Variants in LRCH3 observed in about 807,000 individuals in gnomAD.
LRCH3 encodes DISP complex protein LRCH3.
A neutral mutation model predicts 104.5 loss-of-function variants in LRCH3; 68 were observed. The observed-to-expected ratio is 0.65, with a 90% confidence interval of 0.54 to 0.80. The LOEUF (loss-of-function observed/expected upper bound fraction) is 0.80, where lower values mean the gene tolerates loss of function less well. LRCH3 is among the 30% of genes least tolerant of loss of function. The pLI is 0.00. For synonymous variants in LRCH3, 344 were observed against 361.3 expected (o/e 0.95, Z 0.54); for missense variants, 951 against 953.9 (o/e 1.00, Z 0.04).
At position 197,866,064 on chromosome 3, in the gene LRCH3, TATATTTTC is replaced by T. The variant is rs775341020; in HGVS notation, c.1766-45_1766-38del. The T allele has an allele frequency of 3.7e-6, 5 of 1,333,756 alleles. No homozygotes were observed. In the Admixed American group the frequency reaches 8.5e-5, roughly 23 times the overall value. The allele number at this position is 1,333,756 out of a possible 1,614,324, so 82.6% of individuals were successfully genotyped here. A position where few individuals can be genotyped will look rare whatever the true frequency, so the allele number is the denominator to read the frequency against. On this transcript the variant is annotated intron_variant, in intron 16 of 20. Coordinates refer to ENST00000425562, the MANE Select transcript of LRCH3 (RefSeq NM_001365715.1). ...CTTTTGTAACTTGTATGTCTGCTAT[TATATTTTC>T]ATCTCCTTTAATCTCATTTTATTTT...
chr3:197,810,851 TA>T lies in LRCH3; in HGVS notation c.263-4053del, dbSNP rs1198055917. ...GATAAAAATAAAAGTTAACAGTTTT[TA>T]AAAGATAACCTAAAGTCAGGTTAAA... On this transcript the variant is annotated intron_variant, in intron 1 of 20. Transcript: ENST00000425562. This position sits in a 1 kb window ranked among gnomAD's most constrained non-coding sequence, Gnocchi z 4.0. 1.3e-5 allele frequency among the ~76,000 whole-genome samples: 2 copies of T among 152,122 alleles called. No individual in the cohort carries two copies. The highest frequency in any genetic ancestry group is 2.4e-5 in the African/African-American group (1 of 41,420).
rs1422377060 is a variant in LRCH3, at chr3:197,832,294, G to A, written c.1079G>A (p.Ser360Asn). 1 of 1,613,756 alleles carries A rather than the reference G, an allele frequency of 6.2e-7. No individual in the cohort carries two copies. Among genetic ancestry groups the A allele is most frequent in the Non-Finnish European group, 8.5e-7 (1 of 1,179,684 alleles). Residue 360 changes from serine to asparagine, a missense_variant, in exon 8 of 21, where the codon AGT (serine) becomes AAT (asparagine). Ser to Asn is a conservative substitution (Grantham distance 46, BLOSUM62 1). Transcript: ENST00000425562. Reference sequence around the variant, plus strand: ...AGCCAGTACCAAGAGAACCGCGGCAGTTTGGTAGTAACAAACGGCGGAGGT... The same window carrying A: ...AGCCAGTACCAAGAGAACCGCGGCAATTTGGTAGTAACAAACGGCGGAGGT... The part of the protein sequence containing the change: ...RESQYQENRG[S>N]LVVTNGGVEH...
At position 197,886,191 on chromosome 3, in the gene LRCH3, A is replaced by C. The variant is rs1314691308; in HGVS notation, c.*2525A>C. ...CTGTCTCCCAAAAATTAAAAAAAAA[A>C]AAAAAAAACCAGGTGTGGTGGCACC... On this transcript the variant is annotated 3_prime_UTR_variant, in exon 21 of 21. Coordinates refer to ENST00000425562, the MANE Select transcript of LRCH3 (RefSeq NM_001365715.1). 1 of 151,682 alleles carries C rather than the reference A, an allele frequency of 6.6e-6. No homozygotes were observed. Among genetic ancestry groups the C allele is most frequent in the East Asian group, 1.9e-4 (1 of 5,154 alleles). The allele number at this position is 151,682 out of a possible 1,614,324, so 9.4% of individuals were successfully genotyped here.
At chr3:197,882,125 A>G (rs1438688026) in intron 20 of LRCH3, 17 of 985,330 alleles carry the variant, frequency 1.7e-5, no homozygotes, top group Non-Finnish European at 1.9e-5. Flanking sequence ...TCTTGAGAAC[A>G]CACGGCACTC....
At chr3:197,834,747 G>A (rs1736451556) in intron 8 of LRCH3, among the ~76,000 whole-genome samples, 1 of 152,234 alleles carries the variant, frequency 6.6e-6, no homozygotes, top group African/African-American at 2.4e-5. Flanking sequence ...AAAAATGGTA[G>A]AGGTCTCTAT....
intron 10 of LRCH3, among the ~76,000 whole-genome samples, chr3:197,845,756 T>G (rs1205873134): frequency 5.3e-5 from 8 of 151,920 alleles, no homozygotes; most frequent in Admixed American, 2.0e-4. Context: ...AATACAAAAA[T>G]TAGCCGAGTG....
intron 1 of LRCH3, among the ~76,000 whole-genome samples, chr3:197,804,970 C>T (rs745545014): frequency 4.6e-5 from 7 of 151,928 alleles, no homozygotes; most frequent in African/African-American, 1.7e-4. Flanking sequence ...TCTTGGCTCA[C>T]TGCAACCTCC....
At chr3:197,841,641 C>A (rs1737813551) in intron 10 of LRCH3, among the ~76,000 whole-genome samples, 1 of 152,052 alleles carries the variant, frequency 6.6e-6, no homozygotes, top group Non-Finnish European at 1.5e-5. Flanking sequence ...TCCAGAGTTC[C>A]TGTTTTTACT....
At chr3:197,840,102 G>A (rs1434436189) in intron 10 of LRCH3, among the ~76,000 whole-genome samples, 3 of 151,956 alleles carry the variant, frequency 2.0e-5, no homozygotes, top group South Asian at 2.1e-4. Flanking sequence ...TCCTGTCTCC[G>A]TTAATACACT....
At chr3:197,823,290 C>T (rs550174506) in intron 4 of LRCH3, 3 of 150,602 alleles carry the variant, frequency 2.0e-5, no homozygotes, top group East Asian at 2.0e-4. Context: ...TTAGTAGAGA[C>T]GGGGTTTCAC....
rs1738913874 is a variant in LRCH3 at position 197,847,538 on chromosome 3, A to G, written c.1380+78A>G. On this transcript the variant is annotated intron_variant, in intron 11 of 20. Coordinates refer to ENST00000425562, the MANE Select transcript of LRCH3 (RefSeq NM_001365715.1). The stretch of plus-strand genomic sequence containing the variant: ...TTTCTTTTATAATACTTAAATTGCC[A>G]TTAATTGCCAGGTATATTTAAGCAT... 3.2e-6 allele frequency: 4 copies of G among 1,247,596 alleles called. No homozygotes were observed. In the South Asian group the frequency reaches 4.0e-5, roughly 13 times the overall value. 77.3% of individuals were successfully genotyped at this position (1,247,596 alleles called of 1,614,324 possible).
At chr3:197,880,426 A>T (rs1439186493) in intron 20 of LRCH3, 2 of 997,140 alleles carry the variant, frequency 2.0e-6, no homozygotes, top group Non-Finnish European at 3.0e-6. Flanking sequence ...GACTGAGATG[A>T]TCATATGAAT....
At chr3:197,807,251 CT>C (rs1254438849) in intron 1 of LRCH3, among the ~76,000 whole-genome samples, 1 of 143,446 alleles carries the variant, frequency 7.0e-6, no homozygotes, top group Admixed American at 7.2e-5. Context: ...GAGTCTCGTT[CT>C]GTCGCCCAGG....
intron 1 of LRCH3, among the ~76,000 whole-genome samples, chr3:197,811,460 T>C (rs1405520118): frequency 6.6e-6 from 1 of 152,208 alleles, no homozygotes; most frequent in Non-Finnish European, 1.5e-5. Flanking sequence ...TTCATAGTAG[T>C]GTCTGTTCTC....
intron 20 of LRCH3, among the ~76,000 whole-genome samples, chr3:197,879,514 C>T (rs551246241): frequency 6.0e-4 from 91 of 151,412 alleles, no homozygotes; most frequent in Admixed American, 2.2e-3. Context: ...GGCGTGGTGG[C>T]GGGCGCCTGT....
chr3:197,811,380 A>C (rs756239470), intron 1 of LRCH3, among the ~76,000 whole-genome samples: 29 of 152,108 alleles, frequency 1.9e-4, no homozygotes, highest in Non-Finnish European at 5.9e-5. Flanking sequence ...TATTCTTTAC[A>C]GTTTTACATT....
chr3:197,826,745 TGCTACCAGTTA>T lies in LRCH3; in HGVS notation c.641-132_641-122del, dbSNP rs929361682. 2.9e-5 allele frequency: 32 copies of T among 1,109,402 alleles called. No homozygotes were observed. The African/African-American group carries it at 4.9e-4, about 17-fold the overall frequency. 68.7% of individuals were successfully genotyped at this position (1,109,402 alleles called of 1,614,324 possible). The stretch of plus-strand genomic sequence containing the variant: ...ACCACTTTTCTCATTTTTACCACTT[TGCTACCAGTTA>T]ATCACTAAAAGAGAATGGGAGTAAA... On this transcript the variant is annotated intron_variant, in intron 4 of 20. Coordinates refer to ENST00000425562, the MANE Select transcript of LRCH3 (RefSeq NM_001365715.1).
intron 14 of LRCH3, among the ~76,000 whole-genome samples, chr3:197,858,445 G>T (rs1256097084): frequency 2.0e-5 from 3 of 151,980 alleles, no homozygotes; most frequent in African/African-American, 4.8e-5. Flanking sequence ...ATGTTGAAAA[G>T]ATATTGTTTT....
At chr3:197,839,548 A>G (rs61793817) in intron 10 of LRCH3, 151 bp downstream of exon 10, 18,944 of 511,594 alleles carry the variant, frequency 0.037, 506 homozygotes, top group African/African-American at 0.072. Flanking sequence ...TACTCATGCC[A>G]TAGAAAAGGT....
Sources: allele counts gnomAD v4.1 joint callset (sites outside exome capture counted in the v4.1 genomes callset), GRCh38; gene constraint gnomAD v4.1.1; non-coding constraint Gnocchi (gnomAD v3.1); transcripts MANE v1.5; gene names NCBI Gene and HGNC (gene_info 2026-07-23, HGNC 2026-07-21).